The following IMPDH2 variants were observed in gnomAD, a reference collection of about 807,000 sequenced individuals.
IMPDH2 encodes inosine monophosphate dehydrogenase 2.
In IMPDH2, 33 loss-of-function variants were observed where a neutral mutation model predicts 57.8. That is an observed-to-expected ratio of 0.57 (90% confidence interval 0.43 to 0.76). The LOEUF (loss-of-function observed/expected upper bound fraction) is 0.76, where lower values mean the gene tolerates loss of function less well. Among genes scored for constraint, IMPDH2 ranks in the 30% least tolerant of loss-of-function variants. IMPDH2 has a pLI of 0.00. For missense variants in IMPDH2, 446 were observed against 659.1 expected, an observed-to-expected ratio of 0.68 and a Z score of 3.54; for synonymous variants, 270 against 241.3, an observed-to-expected ratio of 1.12 and a Z score of -1.10.
At chr3:49,025,315 G>A (rs1216140749) in intron 9 of IMPDH2, 46 bp from the exon 10 acceptor site, 28 of 1,609,690 alleles carry the variant, frequency 1.7e-5, no homozygotes, top group African/African-American at 4.0e-5. Flanking sequence ...TAATGGGGAC[G>A]GGCAGTGGAC....
Position 49,027,707 on chromosome 3 carries a change from C to T in IMPDH2, c.531+3G>A, listed in dbSNP as rs2093205154. ...TTGGATCTACTCTGCCAGTGGCACCCACCTCTTCCAAGAAACAGTCATGTT... is the reference window on the plus strand; with the variant it reads ...TTGGATCTACTCTGCCAGTGGCACCTACCTCTTCCAAGAAACAGTCATGTT... On this transcript the variant is annotated splice_donor_region_variant and intron_variant, in intron 5 of 13. Coordinates refer to ENST00000326739, the MANE Select transcript of IMPDH2 (RefSeq NM_000884.3). 1.9e-6 allele frequency: 3 copies of T among 1,613,334 alleles called. No individual in the cohort carries two copies. The highest frequency in any genetic ancestry group is 2.5e-6 in the Non-Finnish European group (3 of 1,179,360).
rs747335954 is a variant in IMPDH2, at chr3:49,029,269, C to T, written c.82G>A (p.Asp28Asn). The T allele has an allele frequency of 1.2e-6, 2 of 1,606,338 alleles. No individual in the cohort carries two copies. Among genetic ancestry groups the T allele is most frequent in the East Asian group, 2.2e-5 (1 of 44,648 alleles). The change falls in exon 1 of 14, where the codon GAC becomes AAC. Residue 28 changes from aspartate (D) to asparagine (N), a missense_variant. Transcript: ENST00000326739. ...LTAQQLFNCG[D>N]GLTYNDFLIL... Reference sequence around the variant, plus strand: ...GGCCCGCACTTGTAGGTGAGGCCGTCTCCGCAGTTGAAGAGCTGCTGTGCT... The same window carrying T: ...GGCCCGCACTTGTAGGTGAGGCCGTTTCCGCAGTTGAAGAGCTGCTGTGCT...
At chr3:49,028,660 ACCCCCAAGCCCAAT>A in intron 2 of IMPDH2, 84 bp downstream of exon 2, 1 of 1,368,446 alleles carries the variant, frequency 7.3e-7, no homozygotes, top group Non-Finnish European at 1.0e-6. Flanking sequence ...TATAAAATCC[ACCCCCAAGCCCAAT>A]CTGGTGAGTT....
chr3:49,026,250 A>G lies in IMPDH2; in HGVS notation c.1006+74T>C, dbSNP rs1382013330. The G allele has an allele frequency of 1.5e-5, 17 of 1,127,246 alleles. No homozygotes were observed. In the Admixed American group the frequency reaches 2.8e-4, roughly 19 times the overall value. The allele number at this position is 1,127,246 out of a possible 1,614,324, so 69.8% of individuals were successfully genotyped here. On this transcript the variant is annotated intron_variant, in intron 9 of 13. Transcript: ENST00000326739. Reference sequence around the variant, plus strand: ...TATTGGAGGGCTCTATTGTCCCCATAAGAGTGCTTGGTTCCAAGGTATGTG... The same window carrying G: ...TATTGGAGGGCTCTATTGTCCCCATGAGAGTGCTTGGTTCCAAGGTATGTG...
Position 49,027,796 on chromosome 3 carries a change from G to C in IMPDH2, c.445C>G (p.Arg149Gly), listed in dbSNP as rs764692244. ...FCGIPITDTG[R>G]MGSRLVGIIS... ...ATGCCCACCAAGCGGCTCCCCATCCGGCCTGTGTCTGTGATTGGGATACCG... is the reference window on the plus strand; with the variant it reads ...ATGCCCACCAAGCGGCTCCCCATCCCGCCTGTGTCTGTGATTGGGATACCG... The change falls in exon 5 of 14, where the codon CGG (arginine) becomes GGG (glycine). Residue 149 changes from arginine (R) to glycine (G), a missense_variant. Transcript: ENST00000326739. 6.2e-7 allele frequency: 1 copy of C among 1,614,004 alleles called. No individual in the cohort carries two copies. The highest frequency in any genetic ancestry group is 8.5e-7 in the Non-Finnish European group (1 of 1,180,022).
At position 49,027,860 on chromosome 3, in the gene IMPDH2, C is replaced by T. The variant is rs1203626053; in HGVS notation, c.381G>A (p.Val127=). The change falls in exon 5 of 14, where the codon GTG becomes GTA. Residue 127 remains valine, a synonymous_variant. Transcript: ENST00000326739. The part of the protein sequence containing the change: ...DPVVLSPKDR[V]RDVFEAKARH... The stretch of plus-strand genomic sequence containing the variant: ...GGGCCTTGGCCTCAAAAACATCCCG[C>T]ACGCGATCCTTGGGGCTGAGGACCA... The T allele has an allele frequency of 3.1e-6, 5 of 1,614,226 alleles. No homozygotes were observed. The highest frequency in any genetic ancestry group is 3.4e-6 in the Non-Finnish European group (4 of 1,180,038).
intron 9 of IMPDH2, chr3:49,025,870 T>C (rs982430069): frequency 3.5e-5 from 15 of 425,792 alleles, no homozygotes; most frequent in Middle Eastern, 7.2e-4. Flanking sequence ...CCCCAAACCA[T>C]GGTCTGTGTA....
Position 49,028,455 on chromosome 3 carries a change from C to T in IMPDH2, c.225G>A (p.Glu75=), listed in dbSNP as rs1354846994. The T allele has an allele frequency of 6.2e-7, 1 of 1,614,148 alleles. No individual in the cohort carries two copies. The highest frequency in any genetic ancestry group is 8.5e-7 in the Non-Finnish European group (1 of 1,179,986). ...CCGCCATTGCTATGGCCATCCCAGC[C>T]TCTGTGACTGTGTCCATGGGAGAGG... ...LVSSPMDTVT[E]AGMAIAMALT... is the part of the protein sequence containing the mutation. The change falls in exon 3 of 14, where the codon GAG becomes GAA. Residue 75 remains glutamate (E), a synonymous_variant. Transcript: ENST00000326739.
rs2093205829 is a variant in IMPDH2 at position 49,027,837 on chromosome 3, G to A, written c.404C>T (p.Ala135Val). 6.2e-7 allele frequency: 1 copy of A among 1,614,192 alleles called. No homozygotes were observed. The highest frequency in any genetic ancestry group is 8.5e-7 in the Non-Finnish European group (1 of 1,180,020). ...DRVRDVFEAK[A>V]RHGFCGIPIT... ...TGGGATACCGCAGAAACCATGCCGG[G>A]CCTTGGCCTCAAAAACATCCCGCAC... Residue 135 changes from alanine (A) to valine (V), a missense_variant, in exon 5 of 14, where the codon GCC becomes GTC. Transcript: ENST00000326739.
Position 49,025,069 on chromosome 3 carries a change from A to C in IMPDH2, c.1151-29T>G, listed in dbSNP as rs1226230652. On this transcript the variant is annotated intron_variant, in intron 10 of 13. Coordinates refer to ENST00000326739, the MANE Select transcript of IMPDH2 (RefSeq NM_000884.3). ...CGGACAGATGGAGTGCTTGGGTTAG[A>C]GCCTAAGCAGCACTAGGGAGGGGGT... The C allele has an allele frequency of 2.5e-6, 4 of 1,614,184 alleles. No individual in the cohort carries two copies. The East Asian group carries it at 8.9e-5, about 36-fold the overall frequency.
At chr3:49,027,997 CT>C (rs1412679152) in intron 4 of IMPDH2, 81 bp from the exon 5 acceptor site, 1 of 1,120,350 alleles carries the variant, frequency 8.9e-7, no homozygotes, top group African/African-American at 1.5e-5. Context: ...GGGGTCTCTG[CT>C]TATCGATCCC....
intron 9 of IMPDH2, 129 bp downstream of exon 9, chr3:49,026,195 A>T: frequency 1.4e-6 from 1 of 727,198 alleles, no homozygotes; most frequent in South Asian, 1.5e-5. Context: ...TCACCCATCC[A>T]AGAGGCCAAT....
At position 49,027,059 on chromosome 3, in the gene IMPDH2, G is replaced by A. The variant is rs374924441; in HGVS notation, c.532-12C>T. On this transcript the variant is annotated splice_polypyrimidine_tract_variant and intron_variant, in intron 5 of 13. Transcript: ENST00000326739. The stretch of plus-strand genomic sequence containing the variant: ...CTCTTTGTCATTATCTACGTGGGAG[G>A]TGAGATGTGAAGAAGGGCCAGTCAT... 164 of 1,594,214 alleles carry A rather than the reference G, an allele frequency of 1.0e-4. No individual in the cohort carries two copies. In the African/African-American group the frequency reaches 1.2e-3, roughly 12 times the overall value.
Position 49,024,348 on chromosome 3 carries a change from G to GGA in IMPDH2, c.*34_*35insTC. The GGA allele has an allele frequency of 1.3e-6, 2 of 1,589,450 alleles. No homozygotes were observed. The highest frequency in any genetic ancestry group is 1.7e-6 in the Non-Finnish European group (2 of 1,161,088). The stretch of plus-strand genomic sequence containing the variant: ...ACTTTTTTCTTTCTAAACTTTTATT[G>GGA]AAAAAAAAACCGAGGAGGTGTGCTG... On this transcript the variant is annotated 3_prime_UTR_variant, in exon 14 of 14. Coordinates refer to ENST00000326739, the MANE Select transcript of IMPDH2 (RefSeq NM_000884.3).
rs756048115 is a variant in IMPDH2 at position 49,029,387 on chromosome 3, C to T, written c.-37G>A. On this transcript the variant is annotated 5_prime_UTR_variant, in exon 1 of 14. Coordinates refer to ENST00000326739, the MANE Select transcript of IMPDH2 (RefSeq NM_000884.3). Reference sequence around the variant, plus strand: ...GACACCGCCGCGTGTCTCCGAGGACCGCGCCGCAGAGACCTCTGCCGTCTG... The same window carrying T: ...GACACCGCCGCGTGTCTCCGAGGACTGCGCCGCAGAGACCTCTGCCGTCTG... The T allele has an allele frequency of 3.4e-5, 49 of 1,424,270 alleles. No homozygotes were observed. In the Middle Eastern group the frequency reaches 1.2e-3, roughly 35 times the overall value. The allele number at this position is 1,424,270 out of a possible 1,614,324, so 88.2% of individuals were successfully genotyped here. A position where few individuals can be genotyped will look rare whatever the true frequency, so the allele number is the denominator to read the frequency against.
intron 1 of IMPDH2, 159 bp from the exon 2 acceptor site, chr3:49,028,965 G>A: frequency 1.4e-6 from 1 of 696,424 alleles, no homozygotes; most frequent in African/African-American, 1.7e-5. Flanking sequence ...AATGGGTACA[G>A]GGGACCTTTT....
rs2093200553 is a variant in IMPDH2 at position 49,026,577 on chromosome 3, G to C, written c.852C>G (p.Ile284Met). Residue 284 changes from isoleucine to methionine, a missense_variant, in exon 8 of 14, where the codon ATC becomes ATG. By Grantham distance (10) the Ile-to-Met change is conservative. Coordinates refer to ENST00000326739, the MANE Select transcript of IMPDH2 (RefSeq NM_000884.3). ...TGTCTTTGATGTACTTGATCATATTGATCTGGAAGATGGAATTTCCCTGGG... is the reference window on the plus strand; with the variant it reads ...TGTCTTTGATGTACTTGATCATATTCATCTGGAAGATGGAATTTCCCTGGG... ...DSSQGNSIFQ[I>M]NMIKYIKDKY... 1 of 1,613,864 alleles carries C rather than the reference G, an allele frequency of 6.2e-7. No individual in the cohort carries two copies. The highest frequency in any genetic ancestry group is 8.5e-7 in the Non-Finnish European group (1 of 1,179,730).
In IMPDH2 at chr3:49,024,372, T is replaced by C. The variant is rs1242448329; in HGVS notation, c.*11A>G. 1.9e-6 allele frequency: 3 copies of C among 1,613,768 alleles called. No homozygotes were observed. The highest frequency in any genetic ancestry group is 1.1e-5 in the South Asian group (1 of 91,050). On this transcript the variant is annotated 3_prime_UTR_variant, in exon 14 of 14. Coordinates refer to ENST00000326739, the MANE Select transcript of IMPDH2 (RefSeq NM_000884.3). ...TGAAAAAAAAACCGAGGAGGTGTGCTGGATCCCTTTTCAGAAAAGCCGCTT... is the reference window on the plus strand; with the variant it reads ...TGAAAAAAAAACCGAGGAGGTGTGCCGGATCCCTTTTCAGAAAAGCCGCTT...
At position 49,027,725 on chromosome 3, in the gene IMPDH2, G is replaced by C; in HGVS notation, c.516C>G (p.Asp172Glu). The C allele has an allele frequency of 6.2e-7, 1 of 1,614,118 alleles. No individual in the cohort carries two copies. Residue 172 changes from aspartate to glutamate, a missense_variant, in exon 5 of 14, where the codon GAC becomes GAG. Coordinates refer to ENST00000326739, the MANE Select transcript of IMPDH2 (RefSeq NM_000884.3). The stretch of plus-strand genomic sequence containing the variant: ...TGGCACCCACCTCTTCCAAGAAACA[G>C]TCATGTTCCTCCTCTTTGAGAAAAT... Reference protein sequence around the residue: ...DIDFLKEEEHDCFLEEIMTKR... With the variant: ...DIDFLKEEEHECFLEEIMTKR...
Sources: allele counts gnomAD v4.1 joint callset, GRCh38; gene constraint gnomAD v4.1.1; transcripts MANE v1.5; gene names NCBI Gene and HGNC (gene_info 2026-07-23, HGNC 2026-07-21).